The following FAM20B variants were observed in gnomAD, a reference collection of about 807,000 sequenced individuals.
FAM20B encodes the protein FAM20B glycosaminoglycan xylosylkinase.
Under a neutral mutation model 43.8 loss-of-function variants are expected in FAM20B, and 23 were observed. The observed-to-expected ratio is 0.53, with a 90% CI of 0.38 to 0.74. FAM20B has a LOEUF of 0.74. Ranked by LOEUF, FAM20B falls within the 30% of genes least tolerant of loss-of-function variation. The probability of loss-of-function intolerance (pLI) is 0.00; values close to 1 mark genes in which losing one functional copy is unlikely to be tolerated. For synonymous variants in FAM20B, 178 were observed against 192.4 expected (o/e 0.93, Z 0.62); for missense variants, 440 against 510.5 (o/e 0.86, Z 1.33).
intron 1 of FAM20B, among the ~76,000 whole-genome samples, chr1:179,041,975 G>A (rs1159115311): frequency 2.6e-5 from 4 of 152,080 alleles, no homozygotes; most frequent in East Asian, 3.8e-4. Flanking sequence ...CAACCTCATG[G>A]CTCCTAGATG....
chr1:179,028,544 T>C (rs987518919), intron 1 of FAM20B, among the ~76,000 whole-genome samples: 2 of 152,222 alleles, frequency 1.3e-5, no homozygotes, highest in Non-Finnish European at 2.9e-5. Context: ...ATTGCACCAC[T>C]GCACTCCAGA....
intron 2 of FAM20B, among the ~76,000 whole-genome samples, chr1:179,049,592 G>C (rs1408858099): frequency 6.6e-6 from 1 of 152,182 alleles, no homozygotes; most frequent in African/African-American, 2.4e-5. Context: ...CCAGGCTGGA[G>C]TGCAGTGGCA....
At chr1:179,062,604 C>G (rs756742072) in intron 4 of FAM20B, among the ~76,000 whole-genome samples, 1 of 151,956 alleles carries the variant, frequency 6.6e-6, no homozygotes, top group Admixed American at 6.6e-5. Context: ...GAGCCAAGAT[C>G]ATGCCACTGC....
chr1:179,036,790 A>ACTACATT (rs769041369), intron 1 of FAM20B, among the ~76,000 whole-genome samples: 75 of 152,352 alleles, frequency 4.9e-4, no homozygotes, highest in Non-Finnish European at 9.6e-4. Flanking sequence ...GGCCGAATGT[A>ACTACATT]GTTAAGTACT....
intron 6 of FAM20B, among the ~76,000 whole-genome samples, chr1:179,064,813 G>A (rs906832900): frequency 1.3e-5 from 2 of 152,164 alleles, no homozygotes; most frequent in Non-Finnish European, 2.9e-5. Context: ...GTGTTTAGAA[G>A]CTTGAGAAAT....
At chr1:179,032,843 T>A (rs1183655124) in intron 1 of FAM20B, among the ~76,000 whole-genome samples, 1 of 152,170 alleles carries the variant, frequency 6.6e-6, no homozygotes, top group East Asian at 1.9e-4. Flanking sequence ...TACTCAGCAT[T>A]TACTGAGATA....
chr1:179,069,440 G>A (rs538152976), intron 7 of FAM20B, among the ~76,000 whole-genome samples: 18 of 152,228 alleles, frequency 1.2e-4, no homozygotes, highest in Admixed American at 4.6e-4. Context: ...GCACGATCTC[G>A]GCTCACTGCA....
intron 3 of FAM20B, among the ~76,000 whole-genome samples, chr1:179,053,882 C>A (rs920098608): frequency 2.0e-5 from 3 of 152,128 alleles, no homozygotes; most frequent in Admixed American, 1.3e-4. Flanking sequence ...GTAATTATTT[C>A]TGGGTTGTGG....
intron 1 of FAM20B, among the ~76,000 whole-genome samples, chr1:179,027,126 G>A (rs527943251): frequency 3.9e-5 from 6 of 152,244 alleles, no homozygotes; most frequent in Non-Finnish European, 8.8e-5. Flanking sequence ...TCACTTGGAA[G>A]GGAAGTAGGA....
intron 4 of FAM20B, among the ~76,000 whole-genome samples, chr1:179,059,172 G>C (rs1651354200): frequency 1.3e-5 from 2 of 152,308 alleles, no homozygotes; most frequent in South Asian, 4.1e-4. Context: ...AGACTGAGTT[G>C]ATCAGAAAAC....
chr1:179,030,614 A>G (rs1267856552), intron 1 of FAM20B, among the ~76,000 whole-genome samples: 1 of 152,196 alleles, frequency 6.6e-6, no homozygotes, highest in Admixed American at 6.5e-5. Flanking sequence ...TCTTTTATAT[A>G]CTGTATACTT....
At chr1:179,050,459 C>A in intron 3 of FAM20B, 94 bp downstream of exon 3, 1 of 804,172 alleles carries the variant, frequency 1.2e-6, no homozygotes. Flanking sequence ...GGATGCAACA[C>A]TAATAAATAA....
Position 179,066,132 on chromosome 1 carries a change from G to A in FAM20B, c.939-668G>A, listed in dbSNP as rs1157327708. Among the ~76,000 whole-genome samples, 3 of 152,084 alleles carry A rather than the reference G, an allele frequency of 2.0e-5. No individual in the cohort carries two copies. The East Asian group carries it at 5.8e-4, about 29-fold the overall frequency. ...GCAGTTGCCTTTGCCTTGAATTACTGGAGGACCTACACTGTACTAAGGGCT... is the reference window on the plus strand; with the variant it reads ...GCAGTTGCCTTTGCCTTGAATTACTAGAGGACCTACACTGTACTAAGGGCT... On this transcript the variant is annotated intron_variant, in intron 6 of 7. Coordinates refer to ENST00000263733, the MANE Select transcript of FAM20B (RefSeq NM_014864.4).
intron 1 of FAM20B, among the ~76,000 whole-genome samples, chr1:179,037,641 C>T (rs1295631748): frequency 6.6e-6 from 1 of 152,002 alleles, no homozygotes; most frequent in African/African-American, 2.4e-5. Context: ...TGCCCACCAC[C>T]ACGCCCAGCT....
chr1:179,052,294 G>T (rs557420163), intron 3 of FAM20B, among the ~76,000 whole-genome samples: 24 of 152,028 alleles, frequency 1.6e-4, no homozygotes, highest in African/African-American at 3.9e-4. Context: ...TATGTGGGGT[G>T]GGGGGAGGTT....
rs777550250 is a variant in FAM20B, at chr1:179,066,831, A to G, written c.970A>G (p.Ile324Val). 6.8e-6 allele frequency: 11 copies of G among 1,613,150 alleles called. No homozygotes were observed. Among genetic ancestry groups the G allele is most frequent in the African/African-American group, 1.3e-5 (1 of 74,934 alleles). ...FGNPSLDERS[I>V]LAPLYQCCII... ...GAACCCCTCGCTGGATGAAAGAAGC[A>G]TTCTTGCCCCTCTCTATCAGTGTTG... Residue 324 changes from isoleucine (I) to valine (V), a missense_variant, in exon 7 of 8, where the codon ATT (isoleucine) becomes GTT (valine). Coordinates refer to ENST00000263733, the MANE Select transcript of FAM20B (RefSeq NM_014864.4).
chr1:179,039,429 ACCATT>A (rs1481578377), intron 1 of FAM20B, among the ~76,000 whole-genome samples: 1 of 152,116 alleles, frequency 6.6e-6, no homozygotes, highest in Admixed American at 6.5e-5. Flanking sequence ...TATATGCTTG[ACCATT>A]CCAGACGTAG....
rs1572540017 is a variant in FAM20B at position 179,043,728 on chromosome 1, T to G, written c.-120T>G. 9.9e-7 allele frequency: 1 copy of G among 1,011,304 alleles called. No individual in the cohort carries two copies. The highest frequency in any genetic ancestry group is 1.4e-6 in the Non-Finnish European group (1 of 690,626). The allele number at this position is 1,011,304 out of a possible 1,614,324, so 62.6% of individuals were successfully genotyped here. On this transcript the variant is annotated 5_prime_UTR_variant, in exon 2 of 8. Transcript: ENST00000263733. ...TTGGGCTTGCAGGAACTGTGGAAGG[T>G]GCATCAGTGAAGAAATGGACCAATG...
chr1:179,031,397 A>G (rs923196625), intron 1 of FAM20B, among the ~76,000 whole-genome samples: 2 of 152,216 alleles, frequency 1.3e-5, no homozygotes, highest in Non-Finnish European at 2.9e-5. Context: ...AGTATGAGCT[A>G]AAGTTTTTTT....
Sources: allele counts gnomAD v4.1 joint callset (sites outside exome capture counted in the v4.1 genomes callset), GRCh38; gene constraint gnomAD v4.1.1; transcripts MANE v1.5; gene names NCBI Gene and HGNC (gene_info 2026-07-23, HGNC 2026-07-21).